Variants in TBC1D19 observed in about 807,000 individuals in gnomAD.
TBC1D19 encodes TBC1 domain family, member 19.
TBC1D19 carries 60 observed loss-of-function variants against 89.0 expected under a neutral mutation model. The ratio of observed to expected loss-of-function variants is 0.67; its 90% CI spans 0.55 to 0.84. The LOEUF is 0.84. Among genes scored for constraint, TBC1D19 ranks in the 40% least tolerant of loss-of-function variants. The pLI is 0.00. For synonymous variants in TBC1D19, 189 were observed against 199.7 expected, an observed-to-expected ratio of 0.95 and a Z score of 0.45; for missense variants, 500 against 610.8, an observed-to-expected ratio of 0.82 and a Z score of 1.91.
chr4:26,739,966 A>G lies in TBC1D19; in HGVS notation c.1220A>G (p.His407Arg). 1 of 1,570,356 alleles carries G rather than the reference A, an allele frequency of 6.4e-7. No homozygotes were observed. Among genetic ancestry groups the G allele is most frequent in the Non-Finnish European group, 8.7e-7 (1 of 1,155,060 alleles). ...FFFRLHSISS[H>R]PSGIVSLCLL... ...TTCAGACTCCATTCCATCTCTTCTC[A>G]TCCTTCTGTAAGTTCATAAGAAAAA... The change falls in exon 17 of 21, where the codon CAT becomes CGT. Residue 407 changes from histidine to arginine, a missense_variant. By Grantham distance (29) the His-to-Arg change is conservative. Around this residue, in one of 2 missense-constraint regions of TBC1D19, gnomAD observed 220 missense variants for 319.1 expected, o/e 0.69. Coordinates refer to ENST00000264866, the MANE Select transcript of TBC1D19 (RefSeq NM_018317.4).
intron 1 of TBC1D19, among the ~76,000 whole-genome samples, chr4:26,590,569 C>T (rs1739705045): frequency 6.6e-6 from 1 of 151,984 alleles, no homozygotes; most frequent in African/African-American, 2.4e-5. Context: ...AAGCCTGTGT[C>T]TGCAGTTTTC....
the TBC1D19 span, among the ~76,000 whole-genome samples, chr4:26,789,410 A>G: frequency 7.9e-5 from 12 of 152,344 alleles, no homozygotes; most frequent in South Asian, 1.0e-3. Flanking sequence ...ACATGAACAG[A>G]CATTTTTCAA....
intron 1 of TBC1D19, among the ~76,000 whole-genome samples, chr4:26,588,825 C>T (rs1398495999): frequency 6.6e-6 from 1 of 152,098 alleles, no homozygotes; most frequent in East Asian, 1.9e-4. Context: ...TTCATATGTA[C>T]TTGAAAAGCA....
At chr4:26,602,795 A>G (rs900015828) in intron 1 of TBC1D19, among the ~76,000 whole-genome samples, 3 of 152,090 alleles carry the variant, frequency 2.0e-5, no homozygotes, top group Non-Finnish European at 2.9e-5. Flanking sequence ...AAAAAGAACC[A>G]GTTTTACTTG....
the TBC1D19 span, among the ~76,000 whole-genome samples, chr4:26,782,737 CT>C: frequency 3.1e-4 from 46 of 148,322 alleles, no homozygotes; most frequent in South Asian, 4.3e-4. Flanking sequence ...AAAACATTGA[CT>C]TTTTTTTTAA....
At chr4:26,858,872 A>G in the TBC1D19 span, 1 of 151,690 alleles carries the variant, frequency 6.6e-6, no homozygotes, top group Non-Finnish European at 1.5e-5. Flanking sequence ...TACCCTCCCT[A>G]TCTTTAAAAG....
the TBC1D19 span, among the ~76,000 whole-genome samples, chr4:26,833,584 G>A: frequency 6.6e-6 from 1 of 152,202 alleles, no homozygotes; most frequent in African/African-American, 2.4e-5. Context: ...GCAAAGAGGA[G>A]CTTCTTAGAG....
chr4:26,639,633 T>C (rs1420718242), intron 6 of TBC1D19, among the ~76,000 whole-genome samples: 1 of 152,212 alleles, frequency 6.6e-6, no homozygotes, highest in Non-Finnish European at 1.5e-5. Context: ...CTATGATAGA[T>C]GCCTATAATT....
chr4:26,849,201 AAC>A, the TBC1D19 span, among the ~76,000 whole-genome samples: 37,826 of 149,036 alleles, frequency 0.25, 4,736 homozygotes, highest in Admixed American at 0.29. Context: ...CACACACACA[AAC>A]ACACACACAC....
At chr4:26,811,637 A>G in the TBC1D19 span, among the ~76,000 whole-genome samples, 1 of 152,192 alleles carries the variant, frequency 6.6e-6, no homozygotes, top group South Asian at 2.1e-4. Context: ...GGAATAAAGA[A>G]TGGCTACTCC....
chr4:26,845,437 T>C, the TBC1D19 span, among the ~76,000 whole-genome samples: 2 of 152,218 alleles, frequency 1.3e-5, no homozygotes, highest in Admixed American at 1.3e-4. Context: ...TTAGTGGCAT[T>C]AGATACATTC....
the TBC1D19 span, among the ~76,000 whole-genome samples, chr4:26,767,816 T>C: frequency 6.6e-6 from 1 of 152,122 alleles, no homozygotes; most frequent in Non-Finnish European, 1.5e-5. Context: ...CAACTCAAAA[T>C]CTAGACTATA....
the TBC1D19 span, among the ~76,000 whole-genome samples, chr4:26,845,101 G>A: frequency 2.0e-5 from 3 of 151,996 alleles, no homozygotes; most frequent in Non-Finnish European, 2.9e-5. Context: ...TATCTTCTAC[G>A]TGTCAAGTAC....
intron 7 of TBC1D19, among the ~76,000 whole-genome samples, chr4:26,645,109 C>T (rs1443150443): frequency 1.3e-5 from 2 of 152,170 alleles, no homozygotes; most frequent in Non-Finnish European, 2.9e-5. Context: ...AATGCCATCC[C>T]CATCAAGCTA....
chr4:26,653,702 C>CT (rs1329724727), intron 7 of TBC1D19, among the ~76,000 whole-genome samples: 6 of 151,966 alleles, frequency 3.9e-5, no homozygotes, highest in Non-Finnish European at 8.8e-5. Context: ...CAACCCCTGC[C>CT]TTTTTTTGTT....
intron 1 of TBC1D19, among the ~76,000 whole-genome samples, chr4:26,598,113 A>G (rs185578951): frequency 1.1e-4 from 17 of 152,322 alleles, no homozygotes; most frequent in Non-Finnish European, 1.5e-5. Flanking sequence ...TTTAGTCAAT[A>G]TTATTCATTC....
the TBC1D19 span, among the ~76,000 whole-genome samples, chr4:26,770,433 C>G: frequency 6.6e-6 from 1 of 152,112 alleles, no homozygotes; most frequent in African/African-American, 2.4e-5. Context: ...GAAAAACAGA[C>G]AAGTCTACAA....
chr4:26,781,074 C>T, the TBC1D19 span, among the ~76,000 whole-genome samples: 1 of 152,160 alleles, frequency 6.6e-6, no homozygotes, highest in Non-Finnish European at 1.5e-5. Flanking sequence ...AGTGTGGTCC[C>T]TGGGAAGCAG....
At chr4:26,856,192 T>A in the TBC1D19 span, among the ~76,000 whole-genome samples, 1 of 152,224 alleles carries the variant, frequency 6.6e-6, no homozygotes, top group South Asian at 2.1e-4. Flanking sequence ...AGATGAACTT[T>A]TTTTTAGATT....
Sources: gnomAD v4.1 joint callset for allele counts (sites outside exome capture counted in the v4.1 genomes callset) on GRCh38, gnomAD v4.1.1 for gene constraint, gnomAD v4.1.1 regional missense constraint, MANE v1.5 for transcripts, NCBI Gene and HGNC (gene_info 2026-07-23, HGNC 2026-07-21) for gene names.